The following ABCD3 variants were observed in gnomAD, a reference collection of about 807,000 sequenced individuals.
ABCD3 encodes the protein ATP-binding cassette sub-family D member 3.
In ABCD3, 41 loss-of-function variants were observed where a neutral mutation model predicts 105.5. That is an observed-to-expected ratio of 0.39 (90% CI 0.30 to 0.50). The LOEUF (loss-of-function observed/expected upper bound fraction) is 0.50, where lower values mean the gene tolerates loss of function less well. Among genes scored for constraint, ABCD3 ranks in the 20% least tolerant of loss-of-function variants. The probability of loss-of-function intolerance (pLI) is 0.84; values close to 1 mark genes in which losing one functional copy is unlikely to be tolerated. For synonymous variants in ABCD3, 258 were observed against 269.0 expected, an observed-to-expected ratio of 0.96 and a Z score of 0.40; for missense variants, 622 against 806.3, an observed-to-expected ratio of 0.77 and a Z score of 2.77.
At chr1:94,391,792 C>T in the ABCD3 span, among the ~76,000 whole-genome samples, 156 of 152,272 alleles carry the variant, frequency 1.0e-3, 1 homozygote, top group Middle Eastern at 0.014. Flanking sequence ...AAAGTTACAT[C>T]CTGTGCAAAC....
At chr1:94,453,419 C>T (rs1018169273) in intron 1 of ABCD3, among the ~76,000 whole-genome samples, 4 of 150,988 alleles carry the variant, frequency 2.6e-5, no homozygotes, top group East Asian at 2.0e-4. Flanking sequence ...CCCGGGTTCA[C>T]GCCATTCTCC....
intron 7 of ABCD3, among the ~76,000 whole-genome samples, chr1:94,476,380 C>T (rs1051359561): frequency 6.6e-6 from 1 of 152,108 alleles, no homozygotes; most frequent in Admixed American, 6.6e-5. Context: ...CTCTTCTTTG[C>T]CATTACCTCT....
chr1:94,446,000 TC>T (rs1299073913), intron 1 of ABCD3, among the ~76,000 whole-genome samples: 1 of 152,184 alleles, frequency 6.6e-6, no homozygotes, highest in Non-Finnish European at 1.5e-5. Flanking sequence ...ATACTCAGTT[TC>T]CTGGAGCTTG....
chr1:94,413,876 A>C (rs964837248), upstream of ABCD3, among the ~76,000 whole-genome samples: 3 of 152,178 alleles, frequency 2.0e-5, no homozygotes, highest in Non-Finnish European at 4.4e-5. Flanking sequence ...GAAGATAATA[A>C]TTAACTTGGC....
chr1:94,504,992 A>G (rs993035804), intron 20 of ABCD3, among the ~76,000 whole-genome samples: 4 of 152,158 alleles, frequency 2.6e-5, no homozygotes, highest in African/African-American at 7.2e-5. Context: ...GGACCAGACC[A>G]GGGAGGACTC....
At chr1:94,466,259 C>G (rs1013817151) in intron 3 of ABCD3, among the ~76,000 whole-genome samples, 1 of 152,022 alleles carries the variant, frequency 6.6e-6, no homozygotes, top group African/African-American at 2.4e-5. Flanking sequence ...AAGATCTGCT[C>G]CTTCCCTTAT....
At chr1:94,474,902 G>A (rs1648659290) in intron 5 of ABCD3, among the ~76,000 whole-genome samples, 1 of 151,998 alleles carries the variant, frequency 6.6e-6, no homozygotes, top group Admixed American at 6.6e-5. Context: ...AAATGGGCAA[G>A]GTATGTCGCG....
intron 1 of ABCD3, among the ~76,000 whole-genome samples, chr1:94,433,064 G>A (rs1659751982): frequency 6.6e-6 from 1 of 151,770 alleles, no homozygotes; most frequent in African/African-American, 2.4e-5. Flanking sequence ...CACCCTGTTG[G>A]TCAGGCTGGT....
the ABCD3 span, among the ~76,000 whole-genome samples, chr1:94,392,151 C>T: frequency 6.6e-6 from 1 of 152,184 alleles, no homozygotes; most frequent in Admixed American, 6.5e-5. Context: ...TTCTGTTTCT[C>T]CTCTGAAGCA....
the ABCD3 span, among the ~76,000 whole-genome samples, chr1:94,403,203 G>A: frequency 6.6e-6 from 1 of 151,946 alleles, no homozygotes; most frequent in Non-Finnish European, 1.5e-5. Context: ...GTCTTAGGTT[G>A]TTCTGATGTT....
At chr1:94,491,307 G>C (rs1319240544) in intron 16 of ABCD3, 60 bp downstream of exon 16, 1 of 1,257,450 alleles carries the variant, frequency 8.0e-7, no homozygotes, top group East Asian at 2.3e-5. Context: ...AACTGAAAAA[G>C]ATTACCTGAA....
At chr1:94,425,526 A>T (rs1032606393) in intron 1 of ABCD3, among the ~76,000 whole-genome samples, 16 of 152,320 alleles carry the variant, frequency 1.1e-4, no homozygotes, top group African/African-American at 3.6e-4. Flanking sequence ...CTGCTGAATA[A>T]CTTCCTTGGA....
chr1:94,396,411 G>A, the ABCD3 span, among the ~76,000 whole-genome samples: 2 of 152,022 alleles, frequency 1.3e-5, no homozygotes, highest in Non-Finnish European at 2.9e-5. Context: ...CATTTACTAG[G>A]ACTCAGACTG....
At chr1:94,450,577 G>T (rs186570139) in intron 1 of ABCD3, among the ~76,000 whole-genome samples, 7 of 152,334 alleles carry the variant, frequency 4.6e-5, no homozygotes, top group Admixed American at 4.6e-4. Context: ...TTTATTTCCC[G>T]TAAGAAATGC....
chr1:94,499,005 G>T lies in ABCD3; in HGVS notation c.1591G>T (p.Asp531Tyr). 1.2e-6 allele frequency: 2 copies of T among 1,613,932 alleles called. No individual in the cohort carries two copies. The highest frequency in any genetic ancestry group is 1.7e-6 in the Non-Finnish European group (2 of 1,179,912). The change falls in exon 19 of 23, where the codon GAT becomes TAT. Residue 531 changes from aspartate (D) to tyrosine (Y), a missense_variant. Transcript: ENST00000370214. Reference protein sequence around the residue: ...DQVIYPDGREDQKRKGISDLV... With the variant: ...DQVIYPDGREYQKRKGISDLV... Reference sequence around the variant, plus strand: ...AGTGATATATCCAGATGGACGAGAAGATCAGAAAAGGAAGGGAATTTCTGA... The same window carrying T: ...AGTGATATATCCAGATGGACGAGAATATCAGAAAAGGAAGGGAATTTCTGA...
intron 16 of ABCD3, among the ~76,000 whole-genome samples, chr1:94,495,217 G>A (rs780602513): frequency 9.2e-5 from 14 of 152,156 alleles, no homozygotes; most frequent in Non-Finnish European, 1.6e-4. Context: ...TTTATGTGTA[G>A]AATTTTTTAT....
At chr1:94,487,478 C>G in intron 10 of ABCD3, 64 bp from the exon 11 acceptor site, 1 of 1,402,470 alleles carries the variant, frequency 7.1e-7, no homozygotes, top group Non-Finnish European at 1.0e-6. Flanking sequence ...TTGTTTTATC[C>G]TTATAGTAGA....
At chr1:94,466,062 T>G (rs1454664224) in intron 3 of ABCD3, among the ~76,000 whole-genome samples, 1 of 152,196 alleles carries the variant, frequency 6.6e-6, no homozygotes, top group Non-Finnish European at 1.5e-5. Flanking sequence ...AGAAATTCTT[T>G]TTTTAAAAAA....
At chr1:94,393,438 A>C in the ABCD3 span, among the ~76,000 whole-genome samples, 1 of 152,096 alleles carries the variant, frequency 6.6e-6, no homozygotes, top group Non-Finnish European at 1.5e-5. Flanking sequence ...CAGGAGTTCA[A>C]GACCAGCCTG....
Sources: allele counts gnomAD v4.1 joint callset (sites outside exome capture counted in the v4.1 genomes callset), GRCh38; gene constraint gnomAD v4.1.1; transcripts MANE v1.5; gene names NCBI Gene and HGNC (gene_info 2026-07-23, HGNC 2026-07-21).